The following ST6GALNAC5 variants were observed in gnomAD, a reference collection of about 807,000 sequenced individuals.
ST6GALNAC5 encodes the protein alpha-N-acetylgalactosaminide alpha-2,6-sialyltransferase 5.
A neutral mutation model predicts 33.6 loss-of-function variants in ST6GALNAC5; 27 were observed. That is an observed-to-expected ratio of 0.80 (90% confidence interval 0.59 to 1.11). The LOEUF (loss-of-function observed/expected upper bound fraction) is 1.11, where lower values mean the gene tolerates loss of function less well. Ranked by LOEUF, ST6GALNAC5 falls within the 50% of genes least tolerant of loss-of-function variation. The probability of loss-of-function intolerance (pLI) is 0.00; values close to 1 mark genes in which losing one functional copy is unlikely to be tolerated. For synonymous variants in ST6GALNAC5, 194 were observed against 171.2 expected (o/e 1.13, Z -1.04); for missense variants, 428 against 454.0 (o/e 0.94, Z 0.52).
intron 4 of ST6GALNAC5, 78 bp from the exon 5 acceptor site, chr1:77,062,897 A>T: frequency 1.0e-6 from 1 of 1,001,872 alleles, no homozygotes. Context: ...AGCTTATTAA[A>T]GATAACATCT....
At chr1:76,870,841 T>C (rs1570624668) in intron 2 of ST6GALNAC5, among the ~76,000 whole-genome samples, 1 of 152,080 alleles carries the variant, frequency 6.6e-6, no homozygotes, top group East Asian at 1.9e-4. Flanking sequence ...TACCCAAAGG[T>C]TTTGAGGGAG....
chr1:77,027,650 AC>A (rs1651297197), intron 2 of ST6GALNAC5, among the ~76,000 whole-genome samples: 1 of 151,742 alleles, frequency 6.6e-6, no homozygotes, highest in Non-Finnish European at 1.5e-5. Flanking sequence ...GTTTAATGTG[AC>A]TCCCGGGTTT....
intron 2 of ST6GALNAC5, among the ~76,000 whole-genome samples, chr1:76,904,761 G>T (rs1557716939): frequency 6.6e-6 from 1 of 151,976 alleles, no homozygotes; most frequent in African/African-American, 2.4e-5. Flanking sequence ...GGAGGCAGAG[G>T]TTGCAGTAAG....
intron 2 of ST6GALNAC5, among the ~76,000 whole-genome samples, chr1:76,920,570 T>C (rs566462837): frequency 1.3e-4 from 20 of 152,328 alleles, no homozygotes; most frequent in African/African-American, 4.1e-4. Context: ...GAATTTTAAA[T>C]TGTGGCTTAC....
chr1:76,964,868 T>C (rs181231358), intron 2 of ST6GALNAC5, among the ~76,000 whole-genome samples: 2 of 152,322 alleles, frequency 1.3e-5, no homozygotes, highest in African/African-American at 4.8e-5. Flanking sequence ...TTTGGTTTTC[T>C]GTCCTTGGGA....
At chr1:76,974,773 C>CTTTTTTTTTTTTTT (rs60357939) in intron 2 of ST6GALNAC5, among the ~76,000 whole-genome samples, 6 of 35,240 alleles carry the variant, frequency 1.7e-4, no homozygotes, top group African/African-American at 2.6e-4. Flanking sequence ...TTCTTTCTTT[C>CTTTTTTTTTTTTTT]TTTTTTTTTT....
intron 2 of ST6GALNAC5, among the ~76,000 whole-genome samples, chr1:77,013,870 C>T (rs1650730328): frequency 6.6e-6 from 1 of 152,138 alleles, no homozygotes; most frequent in African/African-American, 2.4e-5. Flanking sequence ...ATTCAATCAA[C>T]GATTTGGCAG....
At chr1:76,914,414 G>A (rs1282416446) in intron 2 of ST6GALNAC5, among the ~76,000 whole-genome samples, 3 of 152,168 alleles carry the variant, frequency 2.0e-5, no homozygotes, top group Non-Finnish European at 4.4e-5. Flanking sequence ...CAAAGCTGGA[G>A]GCATCACGCT....
At chr1:76,935,771 A>G (rs1647195747) in intron 2 of ST6GALNAC5, among the ~76,000 whole-genome samples, 1 of 151,998 alleles carries the variant, frequency 6.6e-6, no homozygotes, top group African/African-American at 2.4e-5. Flanking sequence ...CAATGTGGTA[A>G]TTTAAATCAT....
intron 4 of ST6GALNAC5, among the ~76,000 whole-genome samples, chr1:77,061,686 C>T (rs1005037716): frequency 2.6e-5 from 4 of 152,214 alleles, no homozygotes; most frequent in Non-Finnish European, 5.9e-5. Flanking sequence ...CTTCAAAAGA[C>T]AGAAGAGGTG....
At chr1:76,997,530 G>C (rs952766860) in intron 2 of ST6GALNAC5, among the ~76,000 whole-genome samples, 2 of 152,146 alleles carry the variant, frequency 1.3e-5, no homozygotes, top group Non-Finnish European at 2.9e-5. Context: ...ACTTTTAATA[G>C]ACGAGCCCTC....
At chr1:76,870,884 T>C (rs1283972920) in intron 2 of ST6GALNAC5, among the ~76,000 whole-genome samples, 1 of 152,232 alleles carries the variant, frequency 6.6e-6, no homozygotes, top group Non-Finnish European at 1.5e-5. Context: ...AAGAAAGGCA[T>C]ATCTTAAAGT....
intron 2 of ST6GALNAC5, among the ~76,000 whole-genome samples, chr1:76,884,770 T>C (rs1227574434): frequency 6.6e-6 from 1 of 152,164 alleles, no homozygotes; most frequent in Non-Finnish European, 1.5e-5. Flanking sequence ...CAAAGTTATT[T>C]GAGATATTAC....
intron 2 of ST6GALNAC5, among the ~76,000 whole-genome samples, chr1:76,924,887 T>C (rs1207188196): frequency 2.0e-5 from 3 of 152,164 alleles, no homozygotes; most frequent in African/African-American, 7.2e-5. Flanking sequence ...CTGGATGGCC[T>C]GGTGTGTTAG....
intron 2 of ST6GALNAC5, among the ~76,000 whole-genome samples, chr1:77,028,410 A>C (rs1320993261): frequency 6.6e-6 from 1 of 152,382 alleles, no homozygotes; most frequent in Non-Finnish European, 1.5e-5. Flanking sequence ...CTGTACTCTT[A>C]TTAGAAATCA....
At chr1:77,038,420 C>G (rs1302420084) in intron 2 of ST6GALNAC5, among the ~76,000 whole-genome samples, 1 of 152,186 alleles carries the variant, frequency 6.6e-6, no homozygotes, top group African/African-American at 2.4e-5. Context: ...TCTTGAAACA[C>G]CTGAAGCCAT....
At chr1:76,952,023 C>A (rs1015394944) in intron 2 of ST6GALNAC5, among the ~76,000 whole-genome samples, 1 of 152,124 alleles carries the variant, frequency 6.6e-6, no homozygotes, top group Non-Finnish European at 1.5e-5. Context: ...TAATAGACCA[C>A]CACTATTTTT....
At chr1:76,875,790 C>G (rs1428918768) in intron 2 of ST6GALNAC5, among the ~76,000 whole-genome samples, 1 of 152,200 alleles carries the variant, frequency 6.6e-6, no homozygotes. Context: ...GCAGAGCATA[C>G]ATCCCTGCCA....
At chr1:76,884,744 A>G (rs1215822348) in intron 2 of ST6GALNAC5, among the ~76,000 whole-genome samples, 1 of 152,190 alleles carries the variant, frequency 6.6e-6, no homozygotes, top group Non-Finnish European at 1.5e-5. Context: ...GGGCTTTTCA[A>G]TGCCTACGAA....
Sources: allele counts gnomAD v4.1 joint callset (sites outside exome capture counted in the v4.1 genomes callset), GRCh38; gene constraint gnomAD v4.1.1; transcripts MANE v1.5; gene names NCBI Gene and HGNC (gene_info 2026-07-23, HGNC 2026-07-21).